Variants in NAP1L5 observed in about 807,000 individuals in gnomAD.
NAP1L5 encodes the protein nucleosome assembly protein 1-like 5.
For missense variants in NAP1L5, 249 were observed against 246.4 expected (o/e 1.01, Z -0.07); for synonymous variants, 125 against 103.6 (o/e 1.21, Z -1.25).
In NAP1L5 at chr4:88,697,625, G is replaced by GGTCACCAGCCGCGCTGTCACA. The variant is rs1464489187; in HGVS notation, c.109_129dup (p.Cys37_Asp43dup). 3.7e-6 allele frequency: 6 copies of GGTCACCAGCCGCGCTGTCACA among 1,609,036 alleles called. No individual in the cohort carries two copies. Among genetic ancestry groups the GGTCACCAGCCGCGCTGTCACA allele is most frequent in the African/African-American group, 1.3e-5 (1 of 74,790 alleles). Reference sequence around the variant, plus strand: ...GCCATCTGACCAGCCGCGCTGTCAGGGTCACCAGCCGCGCTGTCACAGTCT... The same window carrying GGTCACCAGCCGCGCTGTCACA: ...GCCATCTGACCAGCCGCGCTGTCAGGGTCACCAGCCGCGCTGTCACAGTCACCAGCCGCGCTGTCACAGTCT... On this transcript the variant is annotated inframe_insertion, in exon 1 of 1. Coordinates refer to ENST00000323061, the MANE Select transcript of NAP1L5 (RefSeq NM_153757.4).
Position 88,697,749 on chromosome 4 carries a change from G to A in NAP1L5, c.6C>T (p.Ala2=). The A allele has an allele frequency of 6.2e-7, 1 of 1,606,752 alleles. No individual in the cohort carries two copies. The highest frequency in any genetic ancestry group is 8.5e-7 in the Non-Finnish European group (1 of 1,177,002). M[A]DSENQGPAEP... ...CCGCAGGCCCCTGGTTTTCCGAGTCGGCCATGTTAGAGGAGAAGCCGCAGA... is the reference window on the plus strand; with the variant it reads ...CCGCAGGCCCCTGGTTTTCCGAGTCAGCCATGTTAGAGGAGAAGCCGCAGA... The change falls in exon 1 of 1, where the codon GCC becomes GCT. Residue 2 remains alanine, a synonymous_variant. Transcript: ENST00000323061.
At position 88,697,217 on chromosome 4, in the gene NAP1L5, C is replaced by T; in HGVS notation, c.538G>A (p.Ala180Thr). The change falls in exon 1 of 1, where the codon GCC (alanine) becomes ACC (threonine). Residue 180 changes from alanine to threonine, a missense_variant. Transcript: ENST00000323061. ...CATCTCTGCCCCCCTTACTTCTTGG[C>T]GTCATCAGGCATCTCGGCGTGGGCA... Reference protein sequence around the residue: ...DDAHAEMPDDAKK With the variant: ...DDAHAEMPDDTKK The T allele has an allele frequency of 2.6e-6, 4 of 1,517,256 alleles. No individual in the cohort carries two copies. The highest frequency in any genetic ancestry group is 2.3e-5 in the East Asian group (1 of 43,400). The allele number at this position is 1,517,256 out of a possible 1,614,324, so 94.0% of individuals were successfully genotyped here.
At position 88,696,411 on chromosome 4, in the gene NAP1L5, C is replaced by CG. The variant is rs1328291094; in HGVS notation, c.*794dup. ...TTCAAGTAAATTAATATTTCTAAAACGCTAGGTAAAGTGATTTAATACTTA... is the reference window on the plus strand; with the variant it reads ...TTCAAGTAAATTAATATTTCTAAAACGGCTAGGTAAAGTGATTTAATACTTA... On this transcript the variant is annotated 3_prime_UTR_variant, in exon 1 of 1. Transcript: ENST00000323061. 4 of 152,534 alleles carry CG rather than the reference C, an allele frequency of 2.6e-5. No homozygotes were observed. The highest frequency in any genetic ancestry group is 5.9e-5 in the Non-Finnish European group (4 of 68,036). 9.4% of individuals were successfully genotyped at this position (152,534 alleles called of 1,614,324 possible).
In NAP1L5 at chr4:88,697,277, C is replaced by G. The variant is rs1422465492; in HGVS notation, c.478G>C (p.Ala160Pro). ...EGEDEEEEEA[A>P]AEAAAGAKHD... ...TTGGCCCCCGCGGCAGCCTCTGCCG[C>G]AGCCTCCTCCTCCTCCTCGTCTTCC... The change falls in exon 1 of 1, where the codon GCG becomes CCG. Residue 160 changes from alanine (A) to proline (P), a missense_variant. Ala to Pro is a conservative substitution (Grantham distance 27). Coordinates refer to ENST00000323061, the MANE Select transcript of NAP1L5 (RefSeq NM_153757.4). 1 of 1,592,382 alleles carries G rather than the reference C, an allele frequency of 6.3e-7. No individual in the cohort carries two copies. The highest frequency in any genetic ancestry group is 1.8e-5 in the Admixed American group (1 of 56,148).
At position 88,697,692 on chromosome 4, in the gene NAP1L5, T is replaced by TGCCTCCGCCGCTGCCGCC; in HGVS notation, c.45_62dup (p.Ala18_Ala23dup). On this transcript the variant is annotated inframe_insertion, in exon 1 of 1. Transcript: ENST00000323061. ...CTTCCGCCATTACCTCCTCTGCCGCTGCCTCCGCCGCTGCCGCCGCCTGGC... is the reference window on the plus strand; with the variant it reads ...CTTCCGCCATTACCTCCTCTGCCGCTGCCTCCGCCGCTGCCGCCGCCTCCGCCGCTGCCGCCGCCTGGC... 6.2e-7 allele frequency: 1 copy of TGCCTCCGCCGCTGCCGCC among 1,611,190 alleles called. No homozygotes were observed. Among genetic ancestry groups the TGCCTCCGCCGCTGCCGCC allele is most frequent in the Non-Finnish European group, 8.5e-7 (1 of 1,178,802 alleles).
chr4:88,697,614 C>G lies in NAP1L5; in HGVS notation c.141G>C (p.Ala47=), dbSNP rs757167367. ...CDSAAGDPDS[A]AGQMAEEPQT... ...GGGGCTCCTCAGCCATCTGACCAGC[C>G]GCGCTGTCAGGGTCACCAGCCGCGC... Residue 47 remains alanine, a synonymous_variant, in exon 1 of 1, where the codon GCG becomes GCC. Coordinates refer to ENST00000323061, the MANE Select transcript of NAP1L5 (RefSeq NM_153757.4). The G allele has an allele frequency of 3.1e-6, 5 of 1,609,276 alleles. No individual in the cohort carries two copies. In the South Asian group the frequency reaches 5.5e-5, roughly 18 times the overall value.
chr4:88,697,631 C>G lies in NAP1L5; in HGVS notation c.124G>C (p.Gly42Arg). Residue 42 changes from glycine (G) to arginine (R), a missense_variant, in exon 1 of 1, where the codon GGT (glycine) becomes CGT (arginine). Coordinates refer to ENST00000323061, the MANE Select transcript of NAP1L5 (RefSeq NM_153757.4). ...AQGGDCDSAAGDPDSAAGQMA... is the reference protein window; with the variant it reads ...AQGGDCDSAARDPDSAAGQMA... ...TGACCAGCCGCGCTGTCAGGGTCAC[C>G]AGCCGCGCTGTCACAGTCTCCACCC... is the stretch of plus-strand genomic sequence containing the variant. 2 of 1,613,850 alleles carry G rather than the reference C, an allele frequency of 1.2e-6. No individual in the cohort carries two copies. The highest frequency in any genetic ancestry group is 1.7e-6 in the Non-Finnish European group (2 of 1,179,988).
At position 88,697,269 on chromosome 4, in the gene NAP1L5, CT is replaced by C. The variant is rs758335633; in HGVS notation, c.485del (p.Glu162GlyfsTer28). The C allele has an allele frequency of 2.0e-5, 31 of 1,581,352 alleles. No homozygotes were observed. The highest frequency in any genetic ancestry group is 2.6e-5 in the Non-Finnish European group (30 of 1,165,914). On this transcript the variant is annotated frameshift_variant, in exon 1 of 1. Coordinates refer to ENST00000323061, the MANE Select transcript of NAP1L5 (RefSeq NM_153757.4). LOFTEE classifies it low-confidence loss of function (END_TRUNC). Reference sequence around the variant, plus strand: ...CGTCATGTTTGGCCCCCGCGGCAGCCTCTGCCGCAGCCTCCTCCTCCTCCTC... The same window carrying C: ...CGTCATGTTTGGCCCCCGCGGCAGCCCTGCCGCAGCCTCCTCCTCCTCCTC... ...EDEEEEEAAA[E>X]AAAGAKHDDA... is the part of the protein sequence containing the mutation.
In NAP1L5 at chr4:88,697,803, G is replaced by A; in HGVS notation, c.-49C>T. 8 of 1,533,342 alleles carry A rather than the reference G, an allele frequency of 5.2e-6. No homozygotes were observed. Among genetic ancestry groups the A allele is most frequent in the Non-Finnish European group, 6.1e-6 (7 of 1,142,242 alleles). The allele number at this position is 1,533,342 out of a possible 1,614,324, so 95.0% of individuals were successfully genotyped here. A position where few individuals can be genotyped will look rare whatever the true frequency, so the allele number is the denominator to read the frequency against. The stretch of plus-strand genomic sequence containing the variant: ...CTAGGAGGGCTCCCGCAGAGGCCCT[G>A]CACCCGAGCTGGTCCAGAGAGATCT... On this transcript the variant is annotated 5_prime_UTR_variant, in exon 1 of 1. Coordinates refer to ENST00000323061, the MANE Select transcript of NAP1L5 (RefSeq NM_153757.4).
rs757167367 is a variant in NAP1L5 at position 88,697,614 on chromosome 4, C to T, written c.141G>A (p.Ala47=). The stretch of plus-strand genomic sequence containing the variant: ...GGGGCTCCTCAGCCATCTGACCAGC[C>T]GCGCTGTCAGGGTCACCAGCCGCGC... The part of the protein sequence containing the change: ...CDSAAGDPDS[A]AGQMAEEPQT... Residue 47 remains alanine (A), a synonymous_variant, in exon 1 of 1, where the codon GCG becomes GCA. Transcript: ENST00000323061. 1.9e-6 allele frequency: 3 copies of T among 1,609,276 alleles called. No homozygotes were observed. Among genetic ancestry groups the T allele is most frequent in the Non-Finnish European group, 2.6e-6 (3 of 1,175,892 alleles).
chr4:88,696,377 C>T lies in NAP1L5; in HGVS notation c.*829G>A, dbSNP rs943769565. 2 of 152,616 alleles carry T rather than the reference C, an allele frequency of 1.3e-5. No homozygotes were observed. Among genetic ancestry groups the T allele is most frequent in the Admixed American group, 1.3e-4 (2 of 15,282 alleles). 9.5% of individuals were successfully genotyped at this position (152,616 alleles called of 1,614,324 possible). A position where few individuals can be genotyped will look rare whatever the true frequency, so the allele number is the denominator to read the frequency against. ...CATGCTTTACATAATTTGCTACATT[C>T]TACATCTCTTCAAGTAAATTAATAT... is the stretch of plus-strand genomic sequence containing the variant. On this transcript the variant is annotated 3_prime_UTR_variant, in exon 1 of 1. Coordinates refer to ENST00000323061, the MANE Select transcript of NAP1L5 (RefSeq NM_153757.4).
In NAP1L5 at chr4:88,697,366, C is replaced by A; in HGVS notation, c.389G>T (p.Cys130Phe). The change falls in exon 1 of 1, where the codon TGT (cysteine) becomes TTT (phenylalanine). Residue 130 changes from cysteine to phenylalanine, a missense_variant. By Grantham distance (205) the Cys-to-Phe change is radical. Transcript: ENST00000323061. ...IQELTGEMEG[C>F]AWTLEGEEEE... ...CTCCTCCCCCTCCAAGGTCCATGCA[C>A]ACCCCTCCATCTCGCCGGTGAGCTC... 1.2e-6 allele frequency: 2 copies of A among 1,614,082 alleles called. No homozygotes were observed. The highest frequency in any genetic ancestry group is 1.7e-6 in the Non-Finnish European group (2 of 1,180,034).
Position 88,697,733 on chromosome 4 carries a change from C to T in NAP1L5, c.22G>A (p.Gly8Arg). 6.2e-7 allele frequency: 1 copy of T among 1,610,020 alleles called. No individual in the cohort carries two copies. Among genetic ancestry groups the T allele is most frequent in the Non-Finnish European group, 8.5e-7 (1 of 1,178,624 alleles). The change falls in exon 1 of 1, where the codon GGG becomes AGG. Residue 8 changes from glycine (G) to arginine (R), a missense_variant. Physicochemically the swap from Gly to Arg is moderately radical, Grantham distance 125. Transcript: ENST00000323061. ...GCCGCCTGGCTAGGCTCCGCAGGCC[C>T]CTGGTTTTCCGAGTCGGCCATGTTA... MADSENQ[G>R]PAEPSQAAAA...
rs558018410 is a variant in NAP1L5, at chr4:88,697,786, G to C, written c.-32C>G. On this transcript the variant is annotated 5_prime_UTR_variant, in exon 1 of 1. Coordinates refer to ENST00000323061, the MANE Select transcript of NAP1L5 (RefSeq NM_153757.4). ...GGAGAAGCCGCAGAGGTCTAGGAGG[G>C]CTCCCGCAGAGGCCCTGCACCCGAG... 1.3e-6 allele frequency: 2 copies of C among 1,555,016 alleles called. No homozygotes were observed. Among genetic ancestry groups the C allele is most frequent in the Non-Finnish European group, 1.7e-6 (2 of 1,151,068 alleles).
In NAP1L5 at chr4:88,697,357, G is replaced by T; in HGVS notation, c.398C>A (p.Thr133Asn). The change falls in exon 1 of 1, where the codon ACC (threonine) becomes AAC (asparagine). Residue 133 changes from threonine to asparagine, a missense_variant. Coordinates refer to ENST00000323061, the MANE Select transcript of NAP1L5 (RefSeq NM_153757.4). ...LTGEMEGCAW[T>N]LEGEEEEEEE... ...TTCCTCCTCCTCCTCCCCCTCCAAGGTCCATGCACACCCCTCCATCTCGCC... is the reference window on the plus strand; with the variant it reads ...TTCCTCCTCCTCCTCCCCCTCCAAGTTCCATGCACACCCCTCCATCTCGCC... 2 of 1,613,666 alleles carry T rather than the reference G, an allele frequency of 1.2e-6. No individual in the cohort carries two copies. The highest frequency in any genetic ancestry group is 1.7e-6 in the Non-Finnish European group (2 of 1,179,942).
In NAP1L5 at chr4:88,696,774, C is replaced by A. The variant is rs375847973; in HGVS notation, c.*432G>T. Reference sequence around the variant, plus strand: ...CTTGGGTTCTGCCTTCTCTGCACTGCGAAATGTCATGAGTAAAGAAATTTA... The same window carrying A: ...CTTGGGTTCTGCCTTCTCTGCACTGAGAAATGTCATGAGTAAAGAAATTTA... On this transcript the variant is annotated 3_prime_UTR_variant, in exon 1 of 1. Transcript: ENST00000323061. 1 of 158,742 alleles carries A rather than the reference C, an allele frequency of 6.3e-6. No homozygotes were observed. The highest frequency in any genetic ancestry group is 1.4e-5 in the Non-Finnish European group (1 of 72,564). 9.8% of individuals were successfully genotyped at this position (158,742 alleles called of 1,614,324 possible).
At position 88,696,963 on chromosome 4, in the gene NAP1L5, G is replaced by C. The variant is rs1485649303; in HGVS notation, c.*243C>G. 1.9e-5 allele frequency: 8 copies of C among 420,628 alleles called. No individual in the cohort carries two copies. The highest frequency in any genetic ancestry group is 4.1e-5 in the African/African-American group (2 of 48,542). 26.1% of individuals were successfully genotyped at this position (420,628 alleles called of 1,614,324 possible). A position where few individuals can be genotyped will look rare whatever the true frequency, so the allele number is the denominator to read the frequency against. Reference sequence around the variant, plus strand: ...AAGAGACCATGAAAACATAATTTTGGGTTTAATTCAGTTTTCTTTAACACC... The same window carrying C: ...AAGAGACCATGAAAACATAATTTTGCGTTTAATTCAGTTTTCTTTAACACC... On this transcript the variant is annotated 3_prime_UTR_variant, in exon 1 of 1. Transcript: ENST00000323061.
At position 88,697,757 on chromosome 4, in the gene NAP1L5, T is replaced by A; in HGVS notation, c.-3A>T. The A allele has an allele frequency of 3.1e-6, 5 of 1,603,850 alleles. No individual in the cohort carries two copies. The highest frequency in any genetic ancestry group is 4.3e-6 in the Non-Finnish European group (5 of 1,175,462). On this transcript the variant is annotated 5_prime_UTR_variant, in exon 1 of 1. Transcript: ENST00000323061. ...CCCTGGTTTTCCGAGTCGGCCATGTTAGAGGAGAAGCCGCAGAGGTCTAGG... is the reference window on the plus strand; with the variant it reads ...CCCTGGTTTTCCGAGTCGGCCATGTAAGAGGAGAAGCCGCAGAGGTCTAGG...
Position 88,697,654 on chromosome 4 carries a change from C to G in NAP1L5, c.101G>C (p.Gly34Ala), listed in dbSNP as rs376576360. Residue 34 changes from glycine (G) to alanine (A), a missense_variant, in exon 1 of 1, where the codon GGT (glycine) becomes GCT (alanine). Transcript: ENST00000323061. ...ACCAGCCGCGCTGTCACAGTCTCCA[C>G]CCTGCGCACCGCCTTCCGCCATTAC... ...EEVMAEGGAQ[G>A]GDCDSAAGDP... 15 of 1,613,296 alleles carry G rather than the reference C, an allele frequency of 9.3e-6. No individual in the cohort carries two copies. The highest frequency in any genetic ancestry group is 5.3e-5 in the African/African-American group (4 of 74,900).
Sources: gnomAD v4.1 joint callset for allele counts on GRCh38, gnomAD v4.1.1 for gene constraint, MANE v1.5 for transcripts, NCBI Gene and HGNC (gene_info 2026-07-23, HGNC 2026-07-21) for gene names.